The following ATOSA variants were observed in gnomAD, a reference collection of about 807,000 sequenced individuals.
ATOSA encodes atos homolog A, also known as atos homolog protein A.
chr15:52,660,069 C>T, the ATOSA span, among the ~76,000 whole-genome samples: 4,032 of 152,162 alleles, frequency 0.026, 68 homozygotes, highest in Non-Finnish European at 0.039. Context: ...ATTTTTTAAG[C>T]GTGAATTTTG....
At chr15:52,665,647 T>G in the ATOSA span, among the ~76,000 whole-genome samples, 3 of 152,190 alleles carry the variant, frequency 2.0e-5, no homozygotes, top group African/African-American at 4.8e-5. Context: ...GAACTTCGTC[T>G]GGAAAAGATA....
chr15:52,593,266 C>G, the ATOSA span, among the ~76,000 whole-genome samples: 1 of 152,164 alleles, frequency 6.6e-6, no homozygotes, highest in Admixed American at 6.5e-5. Context: ...CTAGAGGACA[C>G]AGTGCACACT....
chr15:52,582,052 A>T, the ATOSA span: 1 of 933,936 alleles, frequency 1.1e-6, no homozygotes, highest in Non-Finnish European at 1.5e-6. Flanking sequence ...ATAACAGGAG[A>T]GAATCCACTC....
At chr15:52,612,360 A>G in the ATOSA span, among the ~76,000 whole-genome samples, 1 of 152,164 alleles carries the variant, frequency 6.6e-6, no homozygotes, top group African/African-American at 2.4e-5. Flanking sequence ...GAACTGCTAC[A>G]TCCAATGTCT....
At chr15:52,646,254 G>C in the ATOSA span, among the ~76,000 whole-genome samples, 1 of 152,286 alleles carries the variant, frequency 6.6e-6, no homozygotes, top group East Asian at 1.9e-4. Flanking sequence ...TTAATTAAGA[G>C]GTGAGAAACT....
At chr15:52,611,077 C>A in the ATOSA span, 1 of 1,523,074 alleles carries the variant, frequency 6.6e-7, no homozygotes, top group South Asian at 1.3e-5. Context: ...CATTCGGTTG[C>A]TAACCAAGGT....
the ATOSA span, chr15:52,657,511 T>C: frequency 6.6e-6 from 1 of 152,224 alleles, no homozygotes; most frequent in African/African-American, 2.4e-5. Context: ...TGAATTAGTT[T>C]TCCTCTGAAT....
At chr15:52,695,699 G>A in the ATOSA span, among the ~76,000 whole-genome samples, 1 of 152,202 alleles carries the variant, frequency 6.6e-6, no homozygotes, top group Non-Finnish European at 1.5e-5. Context: ...AAAAAATTGA[G>A]CAGAATAAGT....
chr15:52,621,276 A>C, the ATOSA span, among the ~76,000 whole-genome samples: 5 of 152,352 alleles, frequency 3.3e-5, no homozygotes, highest in Admixed American at 3.3e-4. Context: ...TGGAATCACA[A>C]GCATATATAA....
the ATOSA span, chr15:52,582,345 C>G: frequency 6.7e-7 from 1 of 1,495,740 alleles, no homozygotes. Context: ...TTTCAGAGAA[C>G]GAGTCTTTAA....
At chr15:52,614,040 G>A in the ATOSA span, 1 of 581,924 alleles carries the variant, frequency 1.7e-6, no homozygotes, top group Non-Finnish European at 3.1e-6. Context: ...GTGAGGAGAT[G>A]ATGGATAATT....
chr15:52,633,077 G>A, the ATOSA span, among the ~76,000 whole-genome samples: 3 of 152,156 alleles, frequency 2.0e-5, no homozygotes, highest in East Asian at 5.8e-4. Context: ...TTATGAAATG[G>A]GAATGATATG....
At chr15:52,638,185 T>A in the ATOSA span, among the ~76,000 whole-genome samples, 1 of 152,240 alleles carries the variant, frequency 6.6e-6, no homozygotes, top group Non-Finnish European at 1.5e-5. Context: ...GGAAATATTT[T>A]TCACTTAATT....
chr15:52,593,707 A>G, the ATOSA span: 2 of 1,556,478 alleles, frequency 1.3e-6, no homozygotes, highest in Non-Finnish European at 1.7e-6. Flanking sequence ...CAATGCCGAG[A>G]GGATCGAAAC....
chr15:52,690,276 G>C, the ATOSA span, among the ~76,000 whole-genome samples: 1 of 152,176 alleles, frequency 6.6e-6, no homozygotes, highest in Non-Finnish European at 1.5e-5. Context: ...ATTTAGTAGT[G>C]AACAAGATTG....
the ATOSA span, among the ~76,000 whole-genome samples, chr15:52,611,416 G>C: frequency 7.2e-5 from 11 of 152,244 alleles, no homozygotes; most frequent in South Asian, 1.2e-3. Flanking sequence ...ATTACTAAAT[G>C]CAAGTACTAT....
the ATOSA span, among the ~76,000 whole-genome samples, chr15:52,592,989 A>T: frequency 6.6e-6 from 1 of 152,234 alleles, no homozygotes; most frequent in East Asian, 1.9e-4. Context: ...TCTACAAAAC[A>T]TAAAAATTAG....
At chr15:52,613,925 CTAAAA>C in the ATOSA span, 1 of 1,191,942 alleles carries the variant, frequency 8.4e-7, no homozygotes, top group Non-Finnish European at 1.2e-6. Context: ...TCTGGTCTGC[CTAAAA>C]TAACTAATGT....
At chr15:52,595,961 A>C in the ATOSA span, among the ~76,000 whole-genome samples, 1 of 152,004 alleles carries the variant, frequency 6.6e-6, no homozygotes, top group Non-Finnish European at 1.5e-5. Context: ...AATTTTTTAA[A>C]AAATTAGCTG....
Sources: allele counts gnomAD v4.1 joint callset (sites outside exome capture counted in the v4.1 genomes callset), GRCh38; gene constraint gnomAD v4.1.1; transcripts MANE v1.5; gene names NCBI Gene and HGNC (gene_info 2026-07-23, HGNC 2026-07-21).